PHF11: variants seen among roughly 807,000 people sequenced by gnomAD.
PHF11 encodes PHD finger protein 11, also known as BRCA1 C-terminus-associated protein.
In PHF11, 38 loss-of-function variants were observed where a neutral mutation model predicts 40.5. That is an observed-to-expected ratio of 0.94 (90% CI 0.72 to 1.23). The LOEUF is 1.23. Among genes scored for constraint, PHF11 ranks in the 50% most tolerant of loss-of-function variants. The pLI is 0.00. For synonymous variants in PHF11, 127 were observed against 138.2 expected (o/e 0.92, Z 0.57); for missense variants, 369 against 392.4 (o/e 0.94, Z 0.50).
chr13:49,511,387 C>T (rs11148145), intron 2 of PHF11, among the ~76,000 whole-genome samples: 5,989 of 136,498 alleles, frequency 0.044, 287 homozygotes, highest in East Asian at 0.19. Context: ...AGTGTGATGG[C>T]GCGATCTCGG....
intron 1 of PHF11, among the ~76,000 whole-genome samples, chr13:49,505,618 C>G (rs1566187775): frequency 6.6e-6 from 1 of 152,148 alleles, no homozygotes; most frequent in Non-Finnish European, 1.5e-5. Flanking sequence ...GCAAAAAAAT[C>G]TTAAACGAAT....
intron 2 of PHF11, among the ~76,000 whole-genome samples, chr13:49,508,185 AGTAT>A (rs1407299205): frequency 1.5e-5 from 2 of 132,710 alleles, no homozygotes; most frequent in African/African-American, 5.8e-5. Context: ...TTATTAATGC[AGTAT>A]GTATTAATAT....
chr13:49,499,061 A>G (rs146919243), intron 1 of PHF11, among the ~76,000 whole-genome samples: 5 of 152,368 alleles, frequency 3.3e-5, no homozygotes, highest in African/African-American at 9.6e-5. Context: ...AGAAGCCATT[A>G]TAAACTTTGA....
In PHF11 at chr13:49,495,988, G is replaced by A; in HGVS notation, c.-14G>A. ...TCTCGCTATCCGGCCGCCACCCGCA[G>A]CTGCAGCACAGTCATGGCCCAGGCG... On this transcript the variant is annotated 5_prime_UTR_variant, in exon 1 of 10. Transcript: ENST00000378319. The A allele has an allele frequency of 6.7e-7, 1 of 1,493,410 alleles. No individual in the cohort carries two copies. Among genetic ancestry groups the A allele is most frequent in the Non-Finnish European group, 8.9e-7 (1 of 1,124,206 alleles). 92.5% of individuals were successfully genotyped at this position (1,493,410 alleles called of 1,614,324 possible). A position where few individuals can be genotyped will look rare whatever the true frequency, so the allele number is the denominator to read the frequency against.
chr13:49,505,086 C>T (rs942147668), intron 1 of PHF11, among the ~76,000 whole-genome samples: 2 of 147,156 alleles, frequency 1.4e-5, no homozygotes, highest in Non-Finnish European at 3.0e-5. Context: ...GTGAGAAACA[C>T]CCAAGAATGA....
At chr13:49,525,975 C>G in intron 8 of PHF11, 1 of 325,756 alleles carries the variant, frequency 3.1e-6, no homozygotes, top group Non-Finnish European at 6.0e-6. Flanking sequence ...TCGAGACCAG[C>G]CTGGCCAACA....
intron 2 of PHF11, among the ~76,000 whole-genome samples, chr13:49,510,318 C>T (rs953278723): frequency 2.0e-5 from 3 of 152,020 alleles, no homozygotes; most frequent in African/African-American, 7.3e-5. Flanking sequence ...AGCCACCATA[C>T]CTGGCCTAAT....
At chr13:49,526,621 G>GCCCCCCCCCCCC (rs1222135505) in intron 9 of PHF11, among the ~76,000 whole-genome samples, 163 bp downstream of exon 9, 113 of 145,792 alleles carry the variant, frequency 7.8e-4, no homozygotes, top group Non-Finnish European at 1.1e-3. Flanking sequence ...CCGCCCACCT[G>GCCCCCCCCCCCC]CCCACACACA....
chr13:49,505,048 A>G lies in PHF11; in HGVS notation c.95-1587A>G, dbSNP rs867579219. Among the ~76,000 whole-genome samples, 7 of 151,626 alleles carry G rather than the reference A, an allele frequency of 4.6e-5. No homozygotes were observed. In the South Asian group the frequency reaches 1.5e-3, roughly 32 times the overall value. On this transcript the variant is annotated intron_variant, in intron 1 of 9. Transcript: ENST00000378319. ...CGTTAAGAGTCATCACCACTCCCCAATCTCAAGTACCCAGGGACACAAACA... is the reference window on the plus strand; with the variant it reads ...CGTTAAGAGTCATCACCACTCCCCAGTCTCAAGTACCCAGGGACACAAACA...
At chr13:49,506,182 G>A (rs1958984938) in intron 1 of PHF11, among the ~76,000 whole-genome samples, 1 of 151,344 alleles carries the variant, frequency 6.6e-6, no homozygotes, top group Non-Finnish European at 1.5e-5. Flanking sequence ...AGGATCACTT[G>A]AGGCCAGGAG....
intron 2 of PHF11, among the ~76,000 whole-genome samples, chr13:49,510,299 A>G (rs774476071): frequency 1.3e-5 from 2 of 151,840 alleles, no homozygotes; most frequent in Non-Finnish European, 2.9e-5. Context: ...TGCTGGAATT[A>G]CAGGTGTGAG....
intron 2 of PHF11, among the ~76,000 whole-genome samples, chr13:49,507,259 C>T (rs1959015054): frequency 6.6e-6 from 1 of 152,076 alleles, no homozygotes; most frequent in Non-Finnish European, 1.5e-5. Flanking sequence ...ATATAACAGA[C>T]ACTGATAGAC....
chr13:49,526,534 C>T (rs1336348271), intron 9 of PHF11, 76 bp downstream of exon 9: 5 of 799,712 alleles, frequency 6.3e-6, no homozygotes, highest in Non-Finnish European at 1.1e-5. Context: ...ATATACTGTA[C>T]AGGTGATAAA....
At chr13:49,502,441 A>G (rs1958922184) in intron 1 of PHF11, among the ~76,000 whole-genome samples, 1 of 152,270 alleles carries the variant, frequency 6.6e-6, no homozygotes, top group Non-Finnish European at 1.5e-5. Flanking sequence ...AAACATTTAA[A>G]TATTCTGTAT....
rs374240877 is a variant in PHF11 at position 49,522,148 on chromosome 13, C to G, written c.570+41C>G. The G allele has an allele frequency of 5.6e-5, 57 of 1,011,750 alleles. No homozygotes were observed. In the African/African-American group the frequency reaches 7.5e-4, roughly 13 times the overall value. 62.7% of individuals were successfully genotyped at this position (1,011,750 alleles called of 1,614,324 possible). ...TTTTATAGCTTTGCATTTCTTCATACAGAGTCCTTATTTAAACCAGTCTGA... is the reference window on the plus strand; with the variant it reads ...TTTTATAGCTTTGCATTTCTTCATAGAGAGTCCTTATTTAAACCAGTCTGA... On this transcript the variant is annotated intron_variant, in intron 6 of 9. Transcript: ENST00000378319.
rs1483865805 is a variant in PHF11, at chr13:49,515,489, CACACACACACACACA to C, written c.324+2324_324+2338del. Among the ~76,000 whole-genome samples, 502 of 140,334 alleles carry C rather than the reference CACACACACACACACA, an allele frequency of 3.6e-3. 5 individuals carry two copies. The highest frequency in any genetic ancestry group is 0.012 in the African/African-American group (480 of 40,030). 92.1% of individuals were successfully genotyped at this position (140,334 alleles called of 152,430 possible). A position where few individuals can be genotyped will look rare whatever the true frequency, so the allele number is the denominator to read the frequency against. On this transcript the variant is annotated intron_variant, in intron 3 of 9. Transcript: ENST00000378319. The stretch of plus-strand genomic sequence containing the variant: ...ACACACACACACACACACACACACA[CACACACACACACACA>C]TTCTCCATCTAAATCTGCTCATAAA...
intron 9 of PHF11, 39 bp from the exon 10 acceptor site, chr13:49,528,472 C>A: frequency 1.4e-6 from 2 of 1,392,730 alleles, no homozygotes; most frequent in Non-Finnish European, 2.0e-6. Context: ...AATAAAACTA[C>A]TGAATAAGCT....
intron 3 of PHF11, among the ~76,000 whole-genome samples, chr13:49,514,292 C>T (rs1252112591): frequency 6.6e-6 from 1 of 152,190 alleles, no homozygotes; most frequent in Non-Finnish European, 1.5e-5. Flanking sequence ...GTGTTACATA[C>T]ATTGCTCTAG....
Position 49,528,898 on chromosome 13 carries a change from T to G in PHF11, c.*233T>G. The stretch of plus-strand genomic sequence containing the variant: ...GCTCAGTAAATGTTTGTGGAATAAG[T>G]GCATAAAATGTTCTTAACCTTTGAT... On this transcript the variant is annotated 3_prime_UTR_variant, in exon 10 of 10. Transcript: ENST00000378319. The G allele has an allele frequency of 2.5e-6, 1 of 394,922 alleles. No individual in the cohort carries two copies. The highest frequency in any genetic ancestry group is 4.5e-6 in the Non-Finnish European group (1 of 222,240). 24.5% of individuals were successfully genotyped at this position (394,922 alleles called of 1,614,324 possible).
Sources: allele counts gnomAD v4.1 joint callset (sites outside exome capture counted in the v4.1 genomes callset), GRCh38; gene constraint gnomAD v4.1.1; transcripts MANE v1.5; gene names NCBI Gene and HGNC (gene_info 2026-07-23, HGNC 2026-07-21).